MPP7: variants seen among roughly 807,000 people sequenced by gnomAD.
MPP7 encodes the protein MAGUK p55 subfamily member 7.
MPP7 carries 60 observed loss-of-function variants against 76.5 expected under a neutral mutation model. That is an observed-to-expected ratio of 0.78 (90% CI 0.64 to 0.97). MPP7 has a LOEUF of 0.97. Among genes scored for constraint, MPP7 ranks in the 50% least tolerant of loss-of-function variants. MPP7 has a pLI of 0.00. For synonymous variants in MPP7, 237 were observed against 244.5 expected (o/e 0.97, Z 0.29); for missense variants, 641 against 694.0 (o/e 0.92, Z 0.86).
intron 13 of MPP7, among the ~76,000 whole-genome samples, chr10:28,063,861 C>T (rs974907672): frequency 3.9e-5 from 6 of 152,120 alleles, no homozygotes; most frequent in East Asian, 1.9e-4. Context: ...TTATGCTAGT[C>T]ATTAGTTAAT....
At chr10:28,094,307 A>C (rs1853460430) in intron 11 of MPP7, among the ~76,000 whole-genome samples, 1 of 152,122 alleles carries the variant, frequency 6.6e-6, no homozygotes, top group South Asian at 2.1e-4. Flanking sequence ...AGGTCGCAAC[A>C]GGGGTTCCAT....
At chr10:28,116,720 G>A (rs955506081) in intron 11 of MPP7, among the ~76,000 whole-genome samples, 6 of 152,034 alleles carry the variant, frequency 3.9e-5, no homozygotes, top group African/African-American at 1.4e-4. Context: ...AATATTTTAG[G>A]TTTAAGAGGT....
chr10:28,068,501 G>A (rs1852083678), intron 13 of MPP7, among the ~76,000 whole-genome samples: 1 of 151,080 alleles, frequency 6.6e-6, no homozygotes, highest in Non-Finnish European at 1.5e-5. Flanking sequence ...AACATATTAA[G>A]TAGTCAAATG....
intron 3 of MPP7, among the ~76,000 whole-genome samples, chr10:28,170,037 A>T (rs1836626957): frequency 6.6e-6 from 1 of 152,114 alleles, no homozygotes. Flanking sequence ...CCCATTAAGC[A>T]TAATAATTAC....
intron 2 of MPP7, among the ~76,000 whole-genome samples, chr10:28,308,265 C>G (rs1021157510): frequency 7.2e-5 from 11 of 152,154 alleles, no homozygotes; most frequent in Admixed American, 5.9e-4. Context: ...GCAGACTGGT[C>G]TTCAGTGTTC....
chr10:28,320,112 T>C (rs117073721), intron 2 of MPP7, among the ~76,000 whole-genome samples: 8,837 of 152,218 alleles, frequency 0.058, 328 homozygotes, highest in Non-Finnish European at 0.08. Flanking sequence ...AAGGAGTCAG[T>C]TAGTGACTCT....
rs1161990938 is a variant in MPP7, at chr10:28,311,011, T to TTGTC, written c.-132+18917_-132+18918insGACA. On this transcript the variant is annotated intron_variant, in intron 2 of 11. Transcript: ENST00000441595. ...AACTGTCCCCACAATGTCAGGGGCTTTGACTTATTCACTATGGGATCCCCA... is the reference window on the plus strand; with the variant it reads ...AACTGTCCCCACAATGTCAGGGGCTTTGTCTGACTTATTCACTATGGGATCCCCA... Among the ~76,000 whole-genome samples the TTGTC allele has an allele frequency of 1.5e-4, 23 of 152,102 alleles. 1 individual carries two copies. The East Asian group carries it at 4.3e-3, about 28-fold the overall frequency.
At chr10:28,323,158 G>T (rs370996446) in intron 2 of MPP7, among the ~76,000 whole-genome samples, 1 of 152,056 alleles carries the variant, frequency 6.6e-6, no homozygotes, top group African/African-American at 2.4e-5. Context: ...TGGTGGAGGC[G>T]CCTGTAGTCC....
At chr10:28,133,398 C>T (rs572510187) in intron 5 of MPP7, among the ~76,000 whole-genome samples, 4 of 152,306 alleles carry the variant, frequency 2.6e-5, no homozygotes, top group Admixed American at 2.6e-4. Context: ...TTGAATAACT[C>T]TTTCTCATAG....
chr10:28,109,848 C>CAAAAAAAAAAAAAAAAAAAAA (rs869206744), intron 11 of MPP7, among the ~76,000 whole-genome samples: 1 of 19,220 alleles, frequency 5.2e-5, no homozygotes, highest in African/African-American at 2.5e-4. Flanking sequence ...GCCGCAGACG[C>CAAAAAAAAAAAAAAAAAAAAA]AAAAAAAAAA....
chr10:28,060,866 C>G (rs1485498716), intron 13 of MPP7, among the ~76,000 whole-genome samples: 1 of 152,232 alleles, frequency 6.6e-6, no homozygotes, highest in Non-Finnish European at 1.5e-5. Flanking sequence ...GTGGAATGTA[C>G]AGGTTTCAGC....
At chr10:28,268,138 AT>A (rs1840205351) in intron 1 of MPP7, among the ~76,000 whole-genome samples, 1 of 152,202 alleles carries the variant, frequency 6.6e-6, no homozygotes, top group Non-Finnish European at 1.5e-5. Flanking sequence ...CATACTCTAT[AT>A]TGGGTAGAAG....
rs1031885054 is a variant in MPP7 at position 28,123,964 on chromosome 10, TA to T, written c.615+66del. 3 of 1,103,666 alleles carry T rather than the reference TA, an allele frequency of 2.7e-6. No homozygotes were observed. The African/African-American group carries it at 4.6e-5, about 17-fold the overall frequency. 68.4% of individuals were successfully genotyped at this position (1,103,666 alleles called of 1,614,324 possible). ...AATCCTGTCTATGTCAAACCAAGTC[TA>T]AAAGTCTGAAATACAGTGATTCGAT... On this transcript the variant is annotated intron_variant, in intron 8 of 16. Coordinates refer to ENST00000683449, the MANE Select transcript of MPP7 (RefSeq NM_001318170.2).
At chr10:28,254,004 G>GAAAAAAAAAAAA (rs199511617) in intron 1 of MPP7, among the ~76,000 whole-genome samples, 8 of 92,332 alleles carry the variant, frequency 8.7e-5, no homozygotes, top group African/African-American at 1.2e-4. Context: ...TCACAAAAAA[G>GAAAAAAAAAAAA]AAAAAAAAAA....
At chr10:28,131,476 A>T (rs1835189355) in intron 6 of MPP7, 84 bp downstream of exon 6, 4 of 1,150,120 alleles carry the variant, frequency 3.5e-6, no homozygotes, top group Non-Finnish European at 4.6e-6. Flanking sequence ...TAGAGGAAGT[A>T]TATTTTAAAG....
intron 11 of MPP7, among the ~76,000 whole-genome samples, chr10:28,115,398 C>T (rs902687172): frequency 2.0e-5 from 3 of 152,048 alleles, no homozygotes; most frequent in African/African-American, 7.2e-5. Flanking sequence ...CCGCTGTGCC[C>T]GGCCAATGTT....
At chr10:28,262,433 G>T (rs1009031075) in intron 1 of MPP7, among the ~76,000 whole-genome samples, 1 of 150,984 alleles carries the variant, frequency 6.6e-6, no homozygotes, top group African/African-American at 2.4e-5. Flanking sequence ...AATTTATAAT[G>T]AAACTAACAG....
At chr10:28,091,894 C>T (rs1041358503) in intron 11 of MPP7, among the ~76,000 whole-genome samples, 2 of 152,066 alleles carry the variant, frequency 1.3e-5, no homozygotes, top group African/African-American at 4.8e-5. Flanking sequence ...TTAAAGTATA[C>T]AGGAGGATGT....
intron 1 of MPP7, among the ~76,000 whole-genome samples, chr10:28,273,595 T>C (rs1286582130): frequency 1.3e-5 from 2 of 152,236 alleles, no homozygotes; most frequent in Non-Finnish European, 2.9e-5. Context: ...TACCTTCATG[T>C]TTAAGAGCAG....
Sources: allele counts gnomAD v4.1 joint callset (sites outside exome capture counted in the v4.1 genomes callset), GRCh38; gene constraint gnomAD v4.1.1; transcripts MANE v1.5; gene names NCBI Gene and HGNC (gene_info 2026-07-23, HGNC 2026-07-21).